Variants in UBR1 observed in about 807,000 individuals in gnomAD.
UBR1 encodes ubiquitin protein ligase E3 component n-recognin 1.
In UBR1, 102 loss-of-function variants were observed where a neutral mutation model predicts 242.1. That is an observed-to-expected ratio of 0.42 (90% CI 0.36 to 0.50). The LOEUF (loss-of-function observed/expected upper bound fraction) is 0.50, where lower values mean the gene tolerates loss of function less well. UBR1 is among the 20% of genes least tolerant of loss of function. The probability of loss-of-function intolerance (pLI) is 0.01; values close to 1 mark genes in which losing one functional copy is unlikely to be tolerated. For missense variants in UBR1, 1,772 were observed against 2,101.8 expected (o/e 0.84, Z 3.07); for synonymous variants, 675 against 684.8 (o/e 0.99, Z 0.22).
In UBR1 at chr15:43,056,403, G is replaced by A. The variant is rs770631803; in HGVS notation, c.1222C>T (p.His408Tyr). 2 of 1,612,110 alleles carry A rather than the reference G, an allele frequency of 1.2e-6. No homozygotes were observed. Among genetic ancestry groups the A allele is most frequent in the South Asian group, 2.2e-5 (2 of 91,028 alleles). The change falls in exon 11 of 47, where the codon CAT becomes TAT. Residue 408 changes from histidine to tyrosine, a missense_variant. By Grantham distance (83) the His-to-Tyr change is moderately conservative (BLOSUM62 2). Transcript: ENST00000290650. The stretch of plus-strand genomic sequence containing the variant: ...GCAGTTATAGAGATACTTCTGTCAT[G>A]ATCATCACTGATATATTCTTTCTGC... Reference protein sequence around the residue: ...QLQKEYISDDHDRSISITALS... With the variant: ...QLQKEYISDDYDRSISITALS...
At chr15:43,085,059 CTTCTA>C (rs1248488147) in intron 2 of UBR1, among the ~76,000 whole-genome samples, 1 of 152,196 alleles carries the variant, frequency 6.6e-6, no homozygotes, top group East Asian at 1.9e-4. Flanking sequence ...CCGCTGGCCT[CTTCTA>C]TTCAACTAAA....
intron 1 of UBR1, 21 bp downstream of exon 1, chr15:43,105,921 G>C (rs766872823): frequency 3.1e-6 from 5 of 1,612,054 alleles, no homozygotes; most frequent in South Asian, 2.2e-5. Flanking sequence ...GGACAAAAGA[G>C]ACTTGCCTAT....
intron 29 of UBR1, among the ~76,000 whole-genome samples, chr15:43,013,326 T>G (rs1357795944): frequency 6.6e-6 from 1 of 152,214 alleles, no homozygotes; most frequent in Admixed American, 6.5e-5. Flanking sequence ...CTCCTCCCTT[T>G]TATCACTGTA....
chr15:43,058,969 A>G, intron 9 of UBR1, 116 bp downstream of exon 9: 1 of 850,828 alleles, frequency 1.2e-6, no homozygotes. Flanking sequence ...GTATCTTATC[A>G]ATCAAGATTA....
chr15:43,000,505 G>A (rs896748214), intron 32 of UBR1, among the ~76,000 whole-genome samples: 3 of 152,186 alleles, frequency 2.0e-5, no homozygotes, highest in African/African-American at 7.2e-5. Flanking sequence ...ACTTTATTAT[G>A]ATTTCCTTTA....
intron 29 of UBR1, among the ~76,000 whole-genome samples, chr15:43,010,987 C>T (rs1036244625): frequency 1.3e-5 from 2 of 151,794 alleles, no homozygotes; most frequent in African/African-American, 4.9e-5. Flanking sequence ...AAGACTCCAT[C>T]TCAAGTGTGT....
chr15:42,950,276 T>G lies in UBR1; in HGVS notation c.5094A>C (p.Thr1698=). 1 of 1,614,200 alleles carries G rather than the reference T, an allele frequency of 6.2e-7. No homozygotes were observed. Among genetic ancestry groups the G allele is most frequent in the Non-Finnish European group, 8.5e-7 (1 of 1,180,004 alleles). The change falls in exon 46 of 47, where the codon ACA becomes ACC. Residue 1698 remains threonine, a synonymous_variant. Transcript: ENST00000290650. ...AAAAATCTTACTTCAGGCCAGGGTC[T>G]GTTTCTCCATATTCATCCAAGTAAG... The part of the protein sequence containing the change: ...PAPYLDEYGE[T]DPGLKRGNPL...
intron 35 of UBR1, among the ~76,000 whole-genome samples, chr15:42,987,583 G>A (rs1357193142): frequency 2.0e-5 from 3 of 151,872 alleles, no homozygotes; most frequent in South Asian, 2.1e-4. Flanking sequence ...GCGTGGTGGC[G>A]TGCACCTGTA....
At chr15:43,064,727 C>T (rs1484552445) in intron 6 of UBR1, among the ~76,000 whole-genome samples, 1 of 152,112 alleles carries the variant, frequency 6.6e-6, no homozygotes, top group East Asian at 1.9e-4. Context: ...CAGGCATGTG[C>T]CACTACGCCC....
intron 5 of UBR1, among the ~76,000 whole-genome samples, chr15:43,069,736 A>G (rs2033801060): frequency 6.6e-6 from 1 of 152,214 alleles, no homozygotes. Flanking sequence ...CCAACAGGCA[A>G]TGAGAGGGCC....
intron 41 of UBR1, among the ~76,000 whole-genome samples, chr15:42,964,468 T>G (rs931756666): frequency 6.6e-6 from 1 of 151,688 alleles, no homozygotes; most frequent in African/African-American, 2.4e-5. Flanking sequence ...AAACTCCGTC[T>G]CAAAAAAAAA....
chr15:43,029,125 G>GCGCACACACACACACACACACACA (rs750364868), intron 21 of UBR1, among the ~76,000 whole-genome samples: 1 of 150,956 alleles, frequency 6.6e-6, no homozygotes, highest in African/African-American at 2.4e-5. Context: ...ACACACACAC[G>GCGCACACACACACACACACACACA]CACACACACA....
At chr15:42,970,774 G>T (rs978090024) in intron 39 of UBR1, among the ~76,000 whole-genome samples, 167 bp from the exon 40 acceptor site, 1 of 151,698 alleles carries the variant, frequency 6.6e-6, no homozygotes, top group African/African-American at 2.4e-5. Flanking sequence ...CCAGGCTGGA[G>T]AGCAATGGTG....
intron 26 of UBR1, 43 bp from the exon 27 acceptor site, chr15:43,021,418 C>T (rs192626880): frequency 2.5e-6 from 4 of 1,582,356 alleles, no homozygotes; most frequent in Non-Finnish European, 3.5e-6. Context: ...TACATAAAGT[C>T]ATCTCTTGGT....
chr15:43,010,969 G>A (rs548717521), intron 29 of UBR1, among the ~76,000 whole-genome samples: 1 of 151,908 alleles, frequency 6.6e-6, no homozygotes, highest in Admixed American at 6.6e-5. Context: ...CAGTCTAGGC[G>A]ACAAAGCAAG....
chr15:43,019,561 C>T (rs1231410194), intron 27 of UBR1, among the ~76,000 whole-genome samples: 3 of 151,060 alleles, frequency 2.0e-5, no homozygotes, highest in Non-Finnish European at 4.4e-5. Flanking sequence ...AGTGCAGAAG[C>T]TCCATAATCC....
chr15:43,091,067 T>C (rs2034100447), intron 1 of UBR1, among the ~76,000 whole-genome samples: 2 of 151,952 alleles, frequency 1.3e-5, no homozygotes, highest in African/African-American at 4.8e-5. Flanking sequence ...GCCACCCGAG[T>C]AGCTAGGATT....
chr15:42,955,049 C>T (rs189897324), intron 44 of UBR1, among the ~76,000 whole-genome samples: 1 of 152,204 alleles, frequency 6.6e-6, no homozygotes, highest in African/African-American at 2.4e-5. Flanking sequence ...TGCCTGTAAT[C>T]CCAGCTACTC....
At chr15:43,089,500 AAAATAAAT>A (rs201033072) in intron 1 of UBR1, among the ~76,000 whole-genome samples, 1 of 152,144 alleles carries the variant, frequency 6.6e-6, no homozygotes, top group African/African-American at 2.4e-5. Flanking sequence ...ATCTCAACCA[AAAATAAAT>A]AAATAAATAA....
Sources: gnomAD v4.1 joint callset for allele counts (sites outside exome capture counted in the v4.1 genomes callset) on GRCh38, gnomAD v4.1.1 for gene constraint, MANE v1.5 for transcripts, NCBI Gene and HGNC (gene_info 2026-07-23, HGNC 2026-07-21) for gene names.